Variants in TMPRSS11E observed in about 807,000 individuals in gnomAD.
The protein encoded by TMPRSS11E is transmembrane protease serine 11E.
A neutral mutation model predicts 48.1 loss-of-function variants in TMPRSS11E; 38 were observed. The ratio of observed to expected loss-of-function variants is 0.79; its 90% CI spans 0.61 to 1.04. The LOEUF (loss-of-function observed/expected upper bound fraction) is 1.04, where lower values mean the gene tolerates loss of function less well. Among genes scored for constraint, TMPRSS11E ranks in the 50% least tolerant of loss-of-function variants. The probability of loss-of-function intolerance (pLI) is 0.00; values close to 1 mark genes in which losing one functional copy is unlikely to be tolerated. For missense variants in TMPRSS11E, 530 were observed against 510.8 expected (o/e 1.04, Z -0.36); for synonymous variants, 158 against 171.9 (o/e 0.92, Z 0.63).
Position 68,490,751 on chromosome 4 carries a change from C to CTTTTT in TMPRSS11E, c.1111-5870_1111-5866dup, listed in dbSNP as rs1158277585. 4.9e-3 allele frequency among the ~76,000 whole-genome samples: 338 copies of CTTTTT among 69,324 alleles called. 52 individuals carry two copies. The highest frequency in any genetic ancestry group is 0.028 in the Middle Eastern group (2 of 72). 45.5% of individuals were successfully genotyped at this position (69,324 alleles called of 152,430 possible). ...GTTCATGCTTCCCACTCAGCATATT[C>CTTTTT]TTTTTTTTTTTTTTTTTTTTTTTTT... On this transcript the variant is annotated intron_variant, in intron 9 of 9. Transcript: ENST00000305363.
chr4:68,490,181 C>T (rs929707204), intron 9 of TMPRSS11E, among the ~76,000 whole-genome samples: 1 of 152,144 alleles, frequency 6.6e-6, no homozygotes, highest in African/African-American at 2.4e-5. Flanking sequence ...CCTTCCCTTT[C>T]AGCCTGGGGT....
At chr4:68,466,412 C>A (rs1466326265) in intron 2 of TMPRSS11E, among the ~76,000 whole-genome samples, 2 of 152,106 alleles carry the variant, frequency 1.3e-5, no homozygotes, top group Non-Finnish European at 2.9e-5. Flanking sequence ...GAACACCAGG[C>A]ATTTCTTACA....
intron 4 of TMPRSS11E, among the ~76,000 whole-genome samples, chr4:68,469,526 CA>C (rs905262825): frequency 6.6e-6 from 1 of 151,716 alleles, no homozygotes; most frequent in African/African-American, 2.4e-5. Flanking sequence ...AATATTATTC[CA>C]ATGACAAAAC....
In TMPRSS11E at chr4:68,476,241, C is replaced by T. The variant is rs750359378; in HGVS notation, c.530-20C>T. ...CTAATTAATGCACCCACCAATGCAC[C>T]CCCCCTCTCTCTTTTGCAGGCTGCG... On this transcript the variant is annotated intron_variant, in intron 6 of 9. Coordinates refer to ENST00000305363, the MANE Select transcript of TMPRSS11E (RefSeq NM_014058.4). 5 of 1,613,054 alleles carry T rather than the reference C, an allele frequency of 3.1e-6. No individual in the cohort carries two copies. Among genetic ancestry groups the T allele is most frequent in the East Asian group, 2.2e-5 (1 of 44,882 alleles).
Position 68,477,356 on chromosome 4 carries a change from T to C in TMPRSS11E, c.708-13T>C. ...GGTAAAAAGAAATTTATTCTTCATTTTTTTCTCCCCAGATATAAGAACCCT... is the reference window on the plus strand; with the variant it reads ...GGTAAAAAGAAATTTATTCTTCATTCTTTTCTCCCCAGATATAAGAACCCT... On this transcript the variant is annotated splice_polypyrimidine_tract_variant and intron_variant, in intron 7 of 9. Transcript: ENST00000305363. The C allele has an allele frequency of 6.3e-7, 1 of 1,585,006 alleles. No individual in the cohort carries two copies. Among genetic ancestry groups the C allele is most frequent in the Non-Finnish European group, 8.5e-7 (1 of 1,170,360 alleles).
chr4:68,497,043 A>T lies in TMPRSS11E; in HGVS notation c.*239A>T. 2 of 428,002 alleles carry T rather than the reference A, an allele frequency of 4.7e-6. No individual in the cohort carries two copies. Among genetic ancestry groups the T allele is most frequent in the Non-Finnish European group, 8.3e-6 (2 of 240,182 alleles). The allele number at this position is 428,002 out of a possible 1,614,324, so 26.5% of individuals were successfully genotyped here. ...TAGTTGAAACTTTATGTACATAGAG[A>T]AATAGATAATACAATATTACATTAC... On this transcript the variant is annotated 3_prime_UTR_variant, in exon 10 of 10. Transcript: ENST00000305363.
chr4:68,459,817 C>T (rs1397593134), intron 1 of TMPRSS11E, among the ~76,000 whole-genome samples: 1 of 152,110 alleles, frequency 6.6e-6, no homozygotes, highest in African/African-American at 2.4e-5. Context: ...CCCTTCTCTC[C>T]CTGTATTCCC....
At chr4:68,483,201 GT>G (rs1444633791) in intron 9 of TMPRSS11E, among the ~76,000 whole-genome samples, 1 of 152,122 alleles carries the variant, frequency 6.6e-6, no homozygotes, top group African/African-American at 2.4e-5. Flanking sequence ...TATAATCATG[GT>G]GGGAGGTGAA....
intron 9 of TMPRSS11E, 54 bp from the exon 10 acceptor site, chr4:68,496,589 A>G: frequency 6.6e-7 from 1 of 1,510,864 alleles, no homozygotes; most frequent in East Asian, 2.4e-5. Flanking sequence ...AAAATAGCCA[A>G]TTCCTCTGTA....
At chr4:68,490,907 T>C (rs1234236822) in intron 9 of TMPRSS11E, among the ~76,000 whole-genome samples, 1 of 151,922 alleles carries the variant, frequency 6.6e-6, no homozygotes, top group African/African-American at 2.4e-5. Flanking sequence ...TAAAGGCATG[T>C]GCCACGACAC....
intron 9 of TMPRSS11E, among the ~76,000 whole-genome samples, chr4:68,492,820 A>C (rs1243562265): frequency 6.6e-6 from 1 of 152,222 alleles, no homozygotes; most frequent in African/African-American, 2.4e-5. Flanking sequence ...GTGACTTCAC[A>C]GAACACGACT....
intron 9 of TMPRSS11E, among the ~76,000 whole-genome samples, chr4:68,483,095 A>C (rs142018282): frequency 6.6e-6 from 1 of 152,312 alleles, no homozygotes; most frequent in African/African-American, 2.4e-5. Context: ...TGGGTAATTT[A>C]TTAGAAAAGA....
At chr4:68,460,128 A>G (rs960926486) in intron 1 of TMPRSS11E, among the ~76,000 whole-genome samples, 1 of 152,318 alleles carries the variant, frequency 6.6e-6, no homozygotes, top group Admixed American at 6.5e-5. Context: ...CAGGAGAACA[A>G]GCAGAGCCCC....
At chr4:68,465,640 A>G (rs1435854031) in intron 2 of TMPRSS11E, among the ~76,000 whole-genome samples, 1 of 152,170 alleles carries the variant, frequency 6.6e-6, no homozygotes, top group Non-Finnish European at 1.5e-5. Context: ...ACTGGTGTCC[A>G]GTGTTAGTTT....
rs1423770218 is a variant in TMPRSS11E, at chr4:68,496,781, A to T, written c.1249A>T (p.Ile417Phe). 12 of 1,612,588 alleles carry T rather than the reference A, an allele frequency of 7.4e-6. No homozygotes were observed. Among genetic ancestry groups the T allele is most frequent in the Admixed American group, 1.7e-5 (1 of 59,770 alleles). Residue 417 changes from isoleucine to phenylalanine, a missense_variant, in exon 10 of 10, where the codon ATT becomes TTT. Coordinates refer to ENST00000305363, the MANE Select transcript of TMPRSS11E (RefSeq NM_014058.4). ...TAGAGTTACGGCCTTGCGGGACTGG[A>T]TTACTTCAAAAACTGGTATCTAAGA... ...YTRVTALRDWITSKTGI is the reference protein window; with the variant it reads ...YTRVTALRDWFTSKTGI
At chr4:68,468,768 C>T in intron 3 of TMPRSS11E, 111 bp from the exon 4 acceptor site, 1 of 838,582 alleles carries the variant, frequency 1.2e-6, no homozygotes, top group Non-Finnish European at 2.0e-6. Context: ...TGTGAAATGT[C>T]AATGTTTTTT....
At chr4:68,475,765 T>A (rs193266632) in intron 6 of TMPRSS11E, among the ~76,000 whole-genome samples, 4 of 152,292 alleles carry the variant, frequency 2.6e-5, no homozygotes, top group Admixed American at 2.6e-4. Flanking sequence ...GCTACTGGCA[T>A]CTATAGTGGA....
Position 68,471,517 on chromosome 4 carries a change from T to C in TMPRSS11E, c.384T>C (p.Thr128=). ...TGTTGATTTGTAGATTTCACTCTAC[T>C]GAGGATCCTGAAACTGTAGATAAAA... ...HMLLICRFHS[T]EDPETVDKIV... Residue 128 remains threonine, a synonymous_variant, in exon 5 of 10, where the codon ACT becomes ACC. Transcript: ENST00000305363. 3 of 1,610,230 alleles carry C rather than the reference T, an allele frequency of 1.9e-6. No individual in the cohort carries two copies. The highest frequency in any genetic ancestry group is 1.1e-5 in the South Asian group (1 of 90,560).
intron 5 of TMPRSS11E, 150 bp downstream of exon 5, chr4:68,471,773 A>G: frequency 1.8e-6 from 1 of 541,896 alleles, no homozygotes; most frequent in Non-Finnish European, 3.0e-6. Flanking sequence ...TGTCCTAATG[A>G]AGTATTTTAA....
Sources: gnomAD v4.1 joint callset for allele counts (sites outside exome capture counted in the v4.1 genomes callset) on GRCh38, gnomAD v4.1.1 for gene constraint, MANE v1.5 for transcripts, NCBI Gene and HGNC (gene_info 2026-07-23, HGNC 2026-07-21) for gene names.